Variants in PCDHGA11 observed in about 807,000 individuals in gnomAD.
PCDHGA11 encodes protocadherin gamma subfamily A, 11, also known as protocadherin gamma-A11.
PCDHGA11 carries 39 observed loss-of-function variants against 60.4 expected under a neutral mutation model. The ratio of observed to expected loss-of-function variants is 0.65; its 90% CI spans 0.50 to 0.84. PCDHGA11 has a LOEUF of 0.84. Among genes scored for constraint, PCDHGA11 ranks in the 40% least tolerant of loss-of-function variants. PCDHGA11 has a pLI of 0.00. For missense variants in PCDHGA11, 1,165 were observed against 1,197.7 expected (o/e 0.97, Z 0.40); for synonymous variants, 533 against 510.3 (o/e 1.04, Z -0.60).
intron 1 of PCDHGA11, among the ~76,000 whole-genome samples, chr5:141,437,741 CT>C (rs35124340): frequency 3.0e-3 from 425 of 141,590 alleles, no homozygotes; most frequent in African/African-American, 3.7e-3. Context: ...TTGAGTTCAC[CT>C]TTTTTTTTTT....
At position 141,487,670 on chromosome 5, in the gene PCDHGA11, T is replaced by C. The variant is rs2099658277; in HGVS notation, c.2434-7137T>C. 2 of 1,612,302 alleles carry C rather than the reference T, an allele frequency of 1.2e-6. No homozygotes were observed. Among genetic ancestry groups the C allele is most frequent in the Non-Finnish European group, 1.7e-6 (2 of 1,179,082 alleles). On this transcript the variant is annotated intron_variant, in intron 1 of 3. Transcript: ENST00000398587. The surrounding 1 kb of genome is among the most constrained non-coding windows in gnomAD (Gnocchi z 5.0). The stretch of plus-strand genomic sequence containing the variant: ...TGAGGGTTATTCTGATCCAGGCATA[T>C]GGCTAGGCCATGTCCTAGAGAGTAC...
Position 141,491,935 on chromosome 5 carries a change from C to A in PCDHGA11, c.2434-2872C>A. 1 of 1,205,518 alleles carries A rather than the reference C, an allele frequency of 8.3e-7. No homozygotes were observed. Among genetic ancestry groups the A allele is most frequent in the South Asian group, 1.7e-5 (1 of 59,176 alleles). 74.7% of individuals were successfully genotyped at this position (1,205,518 alleles called of 1,614,324 possible). On this transcript the variant is annotated intron_variant, in intron 1 of 3. Transcript: ENST00000398587. The surrounding 1 kb of genome is among the most constrained non-coding windows in gnomAD (Gnocchi z 6.9). ...GACTGTGGGCGAGGGGAGGTGGGACCGACCCCCACCCCTACACTCAAAAAA... is the reference window on the plus strand; with the variant it reads ...GACTGTGGGCGAGGGGAGGTGGGACAGACCCCCACCCCTACACTCAAAAAA...
chr5:141,488,656 G>A (rs2099678001), intron 1 of PCDHGA11, among the ~76,000 whole-genome samples: 1 of 152,200 alleles, frequency 6.6e-6, no homozygotes, highest in African/African-American at 2.4e-5. Flanking sequence ...ATGGGGGAGG[G>A]TGGGGGAATA....
chr5:141,440,931 C>G (rs2098213287), intron 1 of PCDHGA11: 1 of 152,186 alleles, frequency 6.6e-6, no homozygotes, highest in Non-Finnish European at 1.5e-5. Context: ...GTGAGGGCCA[C>G]CAACCAGGAC....
intron 1 of PCDHGA11, among the ~76,000 whole-genome samples, chr5:141,466,725 G>A (rs1184472416): frequency 2.6e-5 from 4 of 152,024 alleles, no homozygotes; most frequent in Non-Finnish European, 5.9e-5. Context: ...TTCCATTTTA[G>A]CAGAATTCAT....
chr5:141,481,871 G>A (rs372191396), intron 1 of PCDHGA11, among the ~76,000 whole-genome samples: 73 of 144,864 alleles, frequency 5.0e-4, no homozygotes, highest in Non-Finnish European at 9.7e-4. Context: ...CCGAGATCGC[G>A]CCACTGCACT....
In PCDHGA11 at chr5:141,432,075, C is replaced by G. The variant is rs2097446801; in HGVS notation, c.2433+8415C>G. 2 of 1,614,086 alleles carry G rather than the reference C, an allele frequency of 1.2e-6. No individual in the cohort carries two copies. Among genetic ancestry groups the G allele is most frequent in the Non-Finnish European group, 1.7e-6 (2 of 1,180,054 alleles). ...CCCCTATCCACGGAAACTCATATCT[C>G]GCTGAACGTGGCAGACACCAACGAC... On this transcript the variant is annotated intron_variant, in intron 1 of 3. Transcript: ENST00000398587. This position sits in a 1 kb window ranked among gnomAD's most constrained non-coding sequence, Gnocchi z 6.0.
intron 3 of PCDHGA11, among the ~76,000 whole-genome samples, chr5:141,506,485 A>C (rs2154593953): frequency 6.6e-6 from 1 of 150,572 alleles, no homozygotes; most frequent in East Asian, 2.0e-4. Flanking sequence ...CTTTAGAGGC[A>C]GGCCAATCTG....
chr5:141,494,845 C>G lies in PCDHGA11; in HGVS notation c.2472C>G (p.Ala824=), dbSNP rs747484430. The part of the protein sequence containing the change: ...PPNTDWRFSQ[A]QRPGTSGSQN... Reference sequence around the variant, plus strand: ...ACACGGACTGGCGTTTCTCTCAGGCCCAGAGACCCGGCACCAGCGGGTAGG... The same window carrying G: ...ACACGGACTGGCGTTTCTCTCAGGCGCAGAGACCCGGCACCAGCGGGTAGG... The change falls in exon 2 of 4, where the codon GCC becomes GCG. Residue 824 remains alanine, a synonymous_variant. Transcript: ENST00000398587. 1.2e-6 allele frequency: 2 copies of G among 1,614,144 alleles called. No individual in the cohort carries two copies. The highest frequency in any genetic ancestry group is 1.7e-6 in the Non-Finnish European group (2 of 1,180,028).
rs757755103 is a variant in PCDHGA11 at position 141,432,638 on chromosome 5, C to A, written c.2433+8978C>A. On this transcript the variant is annotated intron_variant, in intron 1 of 3. Coordinates refer to ENST00000398587, the MANE Select transcript of PCDHGA11 (RefSeq NM_018914.3). The surrounding 1 kb of genome is among the most constrained non-coding windows in gnomAD (Gnocchi z 6.0). ...GGTGGGTCTGCACACGGGCGAGGTG[C>A]GCACGGCGCGAGCCCTGCTGGACAG... The A allele has an allele frequency of 6.2e-6, 10 of 1,613,810 alleles. No homozygotes were observed. Among genetic ancestry groups the A allele is most frequent in the African/African-American group, 1.3e-5 (1 of 75,064 alleles).
Position 141,481,350 on chromosome 5 carries a change from T to C in PCDHGA11, c.2434-13457T>C, listed in dbSNP as rs901892475. Among the ~76,000 whole-genome samples, 4 of 152,248 alleles carry C rather than the reference T, an allele frequency of 2.6e-5. No homozygotes were observed. The South Asian group carries it at 8.3e-4, about 32-fold the overall frequency. On this transcript the variant is annotated intron_variant, in intron 1 of 3. Coordinates refer to ENST00000398587, the MANE Select transcript of PCDHGA11 (RefSeq NM_018914.3). The stretch of plus-strand genomic sequence containing the variant: ...CCTGGACAACTATTATTTAAACATC[T>C]ACAGCTGTTCAATAGATATTGGGTT...
chr5:141,439,416 G>T (rs1169961917), intron 1 of PCDHGA11, among the ~76,000 whole-genome samples: 3 of 152,156 alleles, frequency 2.0e-5, no homozygotes, highest in African/African-American at 7.2e-5. Flanking sequence ...CATCACTGAG[G>T]TTATAAATTC....
chr5:141,476,926 T>G lies in PCDHGA11; in HGVS notation c.2434-17881T>G, dbSNP rs779017502. ...GCGTGGTACAAGTCCTTGCAACGGA[T>G]CTGGATGAAGGCCCCAACGGTGAAA... is the stretch of plus-strand genomic sequence containing the variant. On this transcript the variant is annotated intron_variant, in intron 1 of 3. Coordinates refer to ENST00000398587, the MANE Select transcript of PCDHGA11 (RefSeq NM_018914.3). The surrounding 1 kb of genome is among the most constrained non-coding windows in gnomAD (Gnocchi z 7.6). 1 of 1,614,072 alleles carries G rather than the reference T, an allele frequency of 6.2e-7. No homozygotes were observed. The highest frequency in any genetic ancestry group is 1.1e-5 in the South Asian group (1 of 91,092).
At chr5:141,457,111 G>T (rs922281700) in intron 1 of PCDHGA11, among the ~76,000 whole-genome samples, 1 of 152,120 alleles carries the variant, frequency 6.6e-6, no homozygotes, top group African/African-American at 2.4e-5. Context: ...AGCAAAATAC[G>T]ACAGCAATGG....
chr5:141,478,920 C>T lies in PCDHGA11; in HGVS notation c.2434-15887C>T, dbSNP rs559060283. On this transcript the variant is annotated intron_variant, in intron 1 of 3. Transcript: ENST00000398587. Reference sequence around the variant, plus strand: ...GGAATAAGCTGCTGGATACCTCTAACCAGTGGCAGCTTCTAGGAATACAAA... The same window carrying T: ...GGAATAAGCTGCTGGATACCTCTAATCAGTGGCAGCTTCTAGGAATACAAA... 608 of 728,392 alleles carry T rather than the reference C, an allele frequency of 8.3e-4. 2 individuals are homozygous for T. The highest frequency in any genetic ancestry group is 1.2e-3 in the South Asian group (55 of 44,196). 45.1% of individuals were successfully genotyped at this position (728,392 alleles called of 1,614,324 possible).
intron 1 of PCDHGA11, among the ~76,000 whole-genome samples, chr5:141,437,364 T>G (rs1026384836): frequency 6.6e-6 from 1 of 152,232 alleles, no homozygotes; most frequent in Non-Finnish European, 1.5e-5. Context: ...AAAATTGGAA[T>G]GTAATCAGTC....
At chr5:141,469,126 A>T (rs2099191838) in intron 1 of PCDHGA11, among the ~76,000 whole-genome samples, 1 of 151,470 alleles carries the variant, frequency 6.6e-6, no homozygotes, top group African/African-American at 2.4e-5. Context: ...AAATTTAAAA[A>T]TTAGCCAGAA....
chr5:141,433,208 C>CTTT, intron 1 of PCDHGA11: 2 of 1,293,022 alleles, frequency 1.5e-6, no homozygotes, highest in Non-Finnish European at 2.1e-6. Context: ...AATCTTCTTT[C>CTTT]TTTTTTTTTT....
At chr5:141,438,765 G>A (rs1012158127) in intron 1 of PCDHGA11, among the ~76,000 whole-genome samples, 5 of 149,658 alleles carry the variant, frequency 3.3e-5, no homozygotes, top group Middle Eastern at 3.4e-3. Context: ...GGGTTCAAGC[G>A]ATTCTCCTGC....
Sources: gnomAD v4.1 joint callset for allele counts (sites outside exome capture counted in the v4.1 genomes callset) on GRCh38, gnomAD v4.1.1 for gene constraint, Gnocchi (gnomAD v3.1) non-coding constraint, MANE v1.5 for transcripts, NCBI Gene and HGNC (gene_info 2026-07-23, HGNC 2026-07-21) for gene names.